ENTPD4: variants seen among roughly 807,000 people sequenced by gnomAD.
ENTPD4 encodes ectonucleoside triphosphate diphosphohydrolase 4.
In ENTPD4, 60 loss-of-function variants were observed where a neutral mutation model predicts 79.1. That is an observed-to-expected ratio of 0.76 (90% confidence interval 0.62 to 0.94). The LOEUF (loss-of-function observed/expected upper bound fraction) is 0.94, where lower values mean the gene tolerates loss of function less well. ENTPD4 is among the 40% of genes least tolerant of loss of function. The probability of loss-of-function intolerance (pLI) is 0.00; values close to 1 mark genes in which losing one functional copy is unlikely to be tolerated. For synonymous variants in ENTPD4, 276 were observed against 292.0 expected (o/e 0.95, Z 0.56); for missense variants, 772 against 775.1 (o/e 1.00, Z 0.05).
chr8:23,437,969 A>G (rs1216668848), intron 9 of ENTPD4, among the ~76,000 whole-genome samples: 3 of 152,208 alleles, frequency 2.0e-5, no homozygotes, highest in African/African-American at 7.2e-5. Flanking sequence ...TTCTGTTTCA[A>G]CTTATTTCTT....
intron 2 of ENTPD4, 70 bp from the exon 3 acceptor site, chr8:23,449,009 T>C: frequency 7.8e-7 from 1 of 1,282,670 alleles, no homozygotes; most frequent in East Asian, 2.3e-5. Context: ...AAAGTGATCC[T>C]AAAATAAGAT....
chr8:23,440,012 A>C, intron 8 of ENTPD4, 97 bp from the exon 9 acceptor site: 1 of 1,000,704 alleles, frequency 1.0e-6, no homozygotes. Context: ...AAAGGGACAA[A>C]AATGTCTGCT....
rs1215097897 is a variant in ENTPD4 at position 23,430,900 on chromosome 8, T to C, written c.*2026A>G. On this transcript the variant is annotated 3_prime_UTR_variant, in exon 13 of 13. Coordinates refer to ENST00000358689, the MANE Select transcript of ENTPD4 (RefSeq NM_004901.5). ...AGGCAGGTGGCCAAGACCAACTTATTAGGTAGCCAGAAGCTCACCCCTTTC... is the reference window on the plus strand; with the variant it reads ...AGGCAGGTGGCCAAGACCAACTTATCAGGTAGCCAGAAGCTCACCCCTTTC... The C allele has an allele frequency of 2.0e-6, 2 of 985,346 alleles. No homozygotes were observed. The highest frequency in any genetic ancestry group is 2.4e-6 in the Non-Finnish European group (2 of 829,974). The allele number at this position is 985,346 out of a possible 1,614,324, so 61.0% of individuals were successfully genotyped here. A position where few individuals can be genotyped will look rare whatever the true frequency, so the allele number is the denominator to read the frequency against.
chr8:23,435,488 A>T lies in ENTPD4; in HGVS notation c.1375-11T>A. ...TGTTGCACAATAATCCTGAAAACAA[A>T]TTCACCAAAATAGATCACTAGTAAA... On this transcript the variant is annotated splice_polypyrimidine_tract_variant and intron_variant, in intron 10 of 12. Transcript: ENST00000358689. 6.2e-7 allele frequency: 1 copy of T among 1,602,564 alleles called. No individual in the cohort carries two copies.
chr8:23,434,928 A>G (rs1800528599), intron 11 of ENTPD4, among the ~76,000 whole-genome samples: 1 of 152,254 alleles, frequency 6.6e-6, no homozygotes, highest in Non-Finnish European at 1.5e-5. Context: ...TAAGCAAGTA[A>G]TAAGATACAA....
chr8:23,432,355 G>A lies in ENTPD4; in HGVS notation c.*571C>T, dbSNP rs1338215644. 3.0e-6 allele frequency: 3 copies of A among 985,396 alleles called. No homozygotes were observed. Among genetic ancestry groups the A allele is most frequent in the Non-Finnish European group, 2.4e-6 (2 of 830,120 alleles). The allele number at this position is 985,396 out of a possible 1,614,324, so 61.0% of individuals were successfully genotyped here. A position where few individuals can be genotyped will look rare whatever the true frequency, so the allele number is the denominator to read the frequency against. ...ATGTGTTTAAATTTAACATTCCTTA[G>A]AGAAACCCCAGAAATCTCATTTATT... is the stretch of plus-strand genomic sequence containing the variant. On this transcript the variant is annotated 3_prime_UTR_variant, in exon 13 of 13. Coordinates refer to ENST00000358689, the MANE Select transcript of ENTPD4 (RefSeq NM_004901.5).
chr8:23,439,382 C>T (rs1248798480), intron 9 of ENTPD4, among the ~76,000 whole-genome samples: 1 of 152,218 alleles, frequency 6.6e-6, no homozygotes, highest in Admixed American at 6.5e-5. Flanking sequence ...AACACACTAC[C>T]TGAGGCCTCC....
rs1332926985 is a variant in ENTPD4, at chr8:23,437,213, C to T, written c.1095G>A (p.Leu365=). The part of the protein sequence containing the change: ...QTGLTPDMPY[L]DPCLPLDIKD... The stretch of plus-strand genomic sequence containing the variant: ...TAATGTCTAGGGGTAGGCAGGGGTC[C>T]AAGTACGGCATATCAGGAGTCAGAC... The change falls in exon 10 of 13, where the codon TTG becomes TTA. Residue 365 remains leucine, a synonymous_variant. Coordinates refer to ENST00000358689, the MANE Select transcript of ENTPD4 (RefSeq NM_004901.5). 1 of 1,613,750 alleles carries T rather than the reference C, an allele frequency of 6.2e-7. No individual in the cohort carries two copies. The highest frequency in any genetic ancestry group is 8.5e-7 in the Non-Finnish European group (1 of 1,179,902).
In ENTPD4 at chr8:23,434,420, G is replaced by A; in HGVS notation, c.1519C>T (p.Pro507Ser). Residue 507 changes from proline to serine, a missense_variant, in exon 12 of 13, where the codon CCT (proline) becomes TCT (serine). Transcript: ENST00000358689. ...GTCTTTAAGCTTTTATAGTTGACAG[G>A]AAACGAAAAGCCCCTATGAAACACC... ...FEVFHRGFSF[P>S]VNYKSLKTAL... 1.2e-6 allele frequency: 2 copies of A among 1,614,112 alleles called. No homozygotes were observed. Among genetic ancestry groups the A allele is most frequent in the Non-Finnish European group, 1.7e-6 (2 of 1,180,030 alleles).
In ENTPD4 at chr8:23,430,742, C is replaced by T. The variant is rs1373246228; in HGVS notation, c.*2184G>A. 2 of 985,418 alleles carry T rather than the reference C, an allele frequency of 2.0e-6. No individual in the cohort carries two copies. The highest frequency in any genetic ancestry group is 2.4e-6 in the Non-Finnish European group (2 of 830,040). The allele number at this position is 985,418 out of a possible 1,614,324, so 61.0% of individuals were successfully genotyped here. The stretch of plus-strand genomic sequence containing the variant: ...GCGGGGTCCCCTAACTCCCTGGGTG[C>T]CCACCTGCCCACTTCAACCATTTGT... On this transcript the variant is annotated 3_prime_UTR_variant, in exon 13 of 13. Transcript: ENST00000358689.
chr8:23,455,663 T>C (rs1800945359), intron 1 of ENTPD4, among the ~76,000 whole-genome samples: 1 of 152,222 alleles, frequency 6.6e-6, no homozygotes. Context: ...TAAGTAGTCT[T>C]TTTCTGGTCA....
rs115167235 is a variant in ENTPD4, at chr8:23,431,586, G to C, written c.*1340C>G. The C allele has an allele frequency of 1.9e-3, 1,921 of 985,386 alleles. 25 individuals are homozygous for C. The African/African-American group carries it at 0.032, about 16-fold the overall frequency. The allele number at this position is 985,386 out of a possible 1,614,324, so 61.0% of individuals were successfully genotyped here. A position where few individuals can be genotyped will look rare whatever the true frequency, so the allele number is the denominator to read the frequency against. ...GACTCTTCCCTTCTGGATTTACAGT[G>C]GTGCTGCCAGCAACAGCCTCAGTCA... On this transcript the variant is annotated 3_prime_UTR_variant, in exon 13 of 13. Transcript: ENST00000358689.
rs1800435431 is a variant in ENTPD4, at chr8:23,430,470, T to C, written c.*2456A>G. ...ATTTAAGAGGATGCTTCTGTCTGTA[T>C]CCTTTTTTGAACTGCATTGTTCTCA... On this transcript the variant is annotated 3_prime_UTR_variant, in exon 13 of 13. Transcript: ENST00000358689. 3 of 985,380 alleles carry C rather than the reference T, an allele frequency of 3.0e-6. No individual in the cohort carries two copies. The African/African-American group carries it at 5.2e-5, about 17-fold the overall frequency. The allele number at this position is 985,380 out of a possible 1,614,324, so 61.0% of individuals were successfully genotyped here.
intron 6 of ENTPD4, among the ~76,000 whole-genome samples, chr8:23,442,301 T>TA (rs1436717534): frequency 1.3e-5 from 2 of 152,238 alleles, no homozygotes; most frequent in African/African-American, 4.8e-5. Flanking sequence ...TACAATACGC[T>TA]AGGTGCCAGT....
chr8:23,443,949 G>A lies in ENTPD4; in HGVS notation c.568C>T (p.Gln190Ter). ...AGMRILPESQ[Q>*]KAILEDLLTD... ...AGAAGGTCTTCCAGAATAGCTTTCT[G>A]CTGGCTGTAAAGTAATAAAAACATT... Residue 190 changes from glutamine to a stop codon, truncating the protein, a stop_gained, in exon 6 of 13, where the codon CAG (glutamine) becomes TAG (stop). Coordinates refer to ENST00000358689, the MANE Select transcript of ENTPD4 (RefSeq NM_004901.5). LOFTEE classifies it high-confidence loss of function. 1.2e-6 allele frequency: 2 copies of A among 1,605,684 alleles called. No homozygotes were observed. The highest frequency in any genetic ancestry group is 1.7e-6 in the Non-Finnish European group (2 of 1,173,082).
chr8:23,444,339 T>G, intron 5 of ENTPD4, 117 bp downstream of exon 5: 1 of 926,306 alleles, frequency 1.1e-6, no homozygotes, highest in South Asian at 1.6e-5. Flanking sequence ...GAATTTTGAA[T>G]ATTTTCCTTT....
In ENTPD4 at chr8:23,432,296, T is replaced by G. The variant is rs1800468800; in HGVS notation, c.*630A>C. On this transcript the variant is annotated 3_prime_UTR_variant, in exon 13 of 13. Coordinates refer to ENST00000358689, the MANE Select transcript of ENTPD4 (RefSeq NM_004901.5). ...TTCAGTCCCCTCTCCACTGACAGAATGCATCTTTCCACCTCCCTCCAGTAT... is the reference window on the plus strand; with the variant it reads ...TTCAGTCCCCTCTCCACTGACAGAAGGCATCTTTCCACCTCCCTCCAGTAT... 2 of 985,352 alleles carry G rather than the reference T, an allele frequency of 2.0e-6. No individual in the cohort carries two copies. The highest frequency in any genetic ancestry group is 9.4e-5 in the South Asian group (2 of 21,296). The allele number at this position is 985,352 out of a possible 1,614,324, so 61.0% of individuals were successfully genotyped here.
chr8:23,442,057 G>A lies in ENTPD4; in HGVS notation c.677C>T (p.Ala226Val), dbSNP rs1334684143. 6.2e-7 allele frequency: 1 copy of A among 1,612,508 alleles called. No individual in the cohort carries two copies. The highest frequency in any genetic ancestry group is 8.5e-7 in the Non-Finnish European group (1 of 1,178,816). The change falls in exon 7 of 13, where the codon GCT becomes GTT. Residue 226 changes from alanine (A) to valine (V), a missense_variant. Physicochemically the swap from Ala to Val is moderately conservative, Grantham distance 64. Coordinates refer to ENST00000358689, the MANE Select transcript of ENTPD4 (RefSeq NM_004901.5). ...VISGKQEGVY[A>V]WIGINFVLGR... ...AAGGACAAAATTAATGCCAATCCAA[G>A]CATACACACCTATAGACATTTTACA...
chr8:23,433,122 T>A lies in ENTPD4; in HGVS notation c.1655A>T (p.His552Leu), dbSNP rs1249603325. ...AAAGGAAACGCCCCGCCAGTGGGTGTGACTGGCTCGGAAGGCCTCCTGCTG... is the reference window on the plus strand; with the variant it reads ...AAAGGAAACGCCCCGCCAGTGGGTGAGACTGGCTCGGAAGGCCTCCTGCTG... ...DIQQEAFRAS[H>L]THWRGVSFVY... The change falls in exon 13 of 13, where the codon CAC becomes CTC. Residue 552 changes from histidine (H) to leucine (L), a missense_variant. His to Leu is a moderately conservative substitution (Grantham distance 99). Coordinates refer to ENST00000358689, the MANE Select transcript of ENTPD4 (RefSeq NM_004901.5). The A allele has an allele frequency of 1.9e-6, 3 of 1,614,178 alleles. No individual in the cohort carries two copies. The highest frequency in any genetic ancestry group is 4.5e-5 in the East Asian group (2 of 44,868).
Sources: allele counts gnomAD v4.1 joint callset (sites outside exome capture counted in the v4.1 genomes callset), GRCh38; gene constraint gnomAD v4.1.1; transcripts MANE v1.5; gene names NCBI Gene and HGNC (gene_info 2026-07-23, HGNC 2026-07-21).